MYBPC1: variants seen among roughly 807,000 people sequenced by gnomAD.
MYBPC1 encodes the protein myosin binding protein C1.
A neutral mutation model predicts 147.1 loss-of-function variants in MYBPC1; 52 were observed. The ratio of observed to expected loss-of-function variants is 0.35; its 90% CI spans 0.28 to 0.45. The LOEUF (loss-of-function observed/expected upper bound fraction) is 0.45. Among genes scored for constraint, MYBPC1 ranks in the 20% least tolerant of loss-of-function variants. The pLI, the probability that MYBPC1 is intolerant of heterozygous loss-of-function variation, is 1.00. For synonymous variants in MYBPC1, 477 were observed against 475.9 expected (o/e 1.00, Z -0.03); for missense variants, 1,228 against 1,440.3 (o/e 0.85, Z 2.39).
chr12:101,599,905 C>A (rs1879153119), intron 1 of MYBPC1, among the ~76,000 whole-genome samples: 1 of 152,162 alleles, frequency 6.6e-6, no homozygotes, highest in East Asian at 1.9e-4. Flanking sequence ...TACCCTAGGG[C>A]AAATGCGTGC....
intron 3 of MYBPC1, among the ~76,000 whole-genome samples, chr12:101,625,778 C>T (rs1481514145): frequency 1.3e-5 from 2 of 152,104 alleles, no homozygotes; most frequent in African/African-American, 4.8e-5. Flanking sequence ...AGATGGTCTT[C>T]CAAGCAGTTT....
At position 101,675,294 on chromosome 12, in the gene MYBPC1, C is replaced by T. The variant is rs372724805; in HGVS notation, c.2812C>T (p.Arg938Cys). The T allele has an allele frequency of 2.9e-5, 46 of 1,613,862 alleles. No homozygotes were observed. The highest frequency in any genetic ancestry group is 3.6e-5 in the Non-Finnish European group (42 of 1,179,946). ...TASIDIQIID[R>C]PGPPQIVKIE... ...GACACCATGAATTCATCCTGTAGAC[C>T]GTCCAGGTCCACCCCAAATTGTGAA... The change falls in exon 26 of 32, where the codon CGT (arginine) becomes TGT (cysteine). Residue 938 changes from arginine (R) to cysteine (C), a missense_variant and splice_region_variant. Arg to Cys is a radical substitution (Grantham distance 180). This residue lies in a region of MYBPC1 where 1,077 missense variants were observed against 1,314.2 expected (regional missense o/e 0.82). Coordinates refer to ENST00000361466, the MANE Select transcript of MYBPC1 (RefSeq NM_002465.4).
chr12:101,627,036 G>C, intron 4 of MYBPC1, 126 bp downstream of exon 4: 2 of 823,426 alleles, frequency 2.4e-6, no homozygotes, highest in Admixed American at 2.4e-5. Context: ...GTTTTCGCCT[G>C]TGCTGGCACC....
chr12:101,650,406 G>T lies in MYBPC1; in HGVS notation c.1364-825G>T, dbSNP rs972361908. On this transcript the variant is annotated intron_variant, in intron 15 of 31. Transcript: ENST00000361466. ...AGTTGACTCACAGTTCCGCATGGCT[G>T]GGGAGACCTCAGGAAACTTACAATC... Among the ~76,000 whole-genome samples the T allele has an allele frequency of 3.3e-5, 5 of 152,246 alleles. No homozygotes were observed. In the East Asian group the frequency reaches 5.8e-4, roughly 18 times the overall value.
In MYBPC1 at chr12:101,634,612, C is replaced by G; in HGVS notation, c.608+7C>G. 1 of 1,607,912 alleles carries G rather than the reference C, an allele frequency of 6.2e-7. No individual in the cohort carries two copies. The highest frequency in any genetic ancestry group is 8.5e-7 in the Non-Finnish European group (1 of 1,174,636). On this transcript the variant is annotated splice_region_variant and intron_variant, in intron 9 of 31. Transcript: ENST00000361466. ...GATCTGCTTTCAAGAGAAGGTAACT[C>G]CAAAAGAAAAATCTAGATAGCTTTT...
chr12:101,673,373 A>G (rs1899132735), intron 24 of MYBPC1, 54 bp from the exon 25 acceptor site: 3 of 1,568,614 alleles, frequency 1.9e-6, no homozygotes, highest in East Asian at 2.2e-5. Flanking sequence ...TGCTGAAGAA[A>G]CATCTTGAGA....
chr12:101,681,566 A>G (rs1950950030), intron 29 of MYBPC1, among the ~76,000 whole-genome samples: 1 of 13,460 alleles, frequency 7.4e-5, no homozygotes, highest in African/African-American at 4.9e-4. Flanking sequence ...ATATATATAT[A>G]TATATATATA....
Position 101,662,513 on chromosome 12 carries a change from C to T in MYBPC1, c.2188C>T (p.Pro730Ser). The change falls in exon 21 of 32, where the codon CCC becomes TCC. Residue 730 changes from proline (P) to serine (S), a missense_variant. This residue lies in a region of MYBPC1 where 1,077 missense variants were observed against 1,314.2 expected (regional missense o/e 0.82). Coordinates refer to ENST00000361466, the MANE Select transcript of MYBPC1 (RefSeq NM_002465.4). The part of the protein sequence containing the change: ...FAVNAIGISK[P>S]SMPSRPFVPL... ...AGTCAATGCCATTGGCATCTCCAAG[C>T]CCAGTATGCCCTCCAGGCCTTTTGT... 6.2e-7 allele frequency: 1 copy of T among 1,614,184 alleles called. No homozygotes were observed. Among genetic ancestry groups the T allele is most frequent in the Non-Finnish European group, 8.5e-7 (1 of 1,180,018 alleles).
intron 23 of MYBPC1, 71 bp from the exon 24 acceptor site, chr12:101,670,250 A>T (rs994267292): frequency 8.2e-7 from 1 of 1,221,148 alleles, no homozygotes; most frequent in South Asian, 1.2e-5. Context: ...GCATCATGCC[A>T]TTTTGCTTTT....
At chr12:101,688,214 G>A (rs117270411), downstream of MYBPC1, among the ~76,000 whole-genome samples, 4 of 152,290 alleles carry the variant, frequency 2.6e-5, no homozygotes, top group Non-Finnish European at 4.4e-5. Context: ...GAGGCCGGGA[G>A]TTCGAGAGCA....
intron 1 of MYBPC1, among the ~76,000 whole-genome samples, chr12:101,598,016 CTTTTTTTTTTTT>C (rs34462251): frequency 8.2e-6 from 1 of 122,182 alleles, no homozygotes; most frequent in Admixed American, 8.5e-5. Context: ...AATCACCTTT[CTTTTTTTTTTTT>C]TTTTTTTTTA....
intron 1 of MYBPC1, among the ~76,000 whole-genome samples, chr12:101,602,090 TA>T (rs1374480288): frequency 6.6e-6 from 1 of 152,240 alleles, no homozygotes; most frequent in Non-Finnish European, 1.5e-5. Flanking sequence ...AGCTGCACCA[TA>T]GACTGAATTA....
chr12:101,612,332 A>G (rs1370142642), intron 1 of MYBPC1, among the ~76,000 whole-genome samples: 2 of 152,192 alleles, frequency 1.3e-5, no homozygotes, highest in Non-Finnish European at 2.9e-5. Context: ...TTGCACAATG[A>G]ATAAGGCAGA....
Position 101,685,765 on chromosome 12 carries a change from C to A in MYBPC1, c.*203C>A. 2 of 999,170 alleles carry A rather than the reference C, an allele frequency of 2.0e-6. No individual in the cohort carries two copies. The highest frequency in any genetic ancestry group is 2.9e-6 in the Non-Finnish European group (2 of 696,756). 61.9% of individuals were successfully genotyped at this position (999,170 alleles called of 1,614,324 possible). A position where few individuals can be genotyped will look rare whatever the true frequency, so the allele number is the denominator to read the frequency against. On this transcript the variant is annotated 3_prime_UTR_variant, in exon 32 of 32. Transcript: ENST00000361466. Reference sequence around the variant, plus strand: ...AGAAAAAGCATTTTCTGTTTTCCCACCAGGCCCCCAAGTGTGGTCTTTTTC... The same window carrying A: ...AGAAAAAGCATTTTCTGTTTTCCCAACAGGCCCCCAAGTGTGGTCTTTTTC...
intron 10 of MYBPC1, among the ~76,000 whole-genome samples, chr12:101,638,350 T>C (rs1166761920): frequency 6.6e-6 from 1 of 152,160 alleles, no homozygotes; most frequent in Non-Finnish European, 1.5e-5. Flanking sequence ...GGAAAAATAG[T>C]GGTAAAAACA....
intron 1 of MYBPC1, among the ~76,000 whole-genome samples, chr12:101,605,759 G>A (rs1881894934): frequency 6.6e-6 from 1 of 152,122 alleles, no homozygotes; most frequent in Non-Finnish European, 1.5e-5. Context: ...CTACTCAGGA[G>A]GCTGAGGCAG....
chr12:101,606,232 ACAC>A (rs1882113318), intron 1 of MYBPC1, among the ~76,000 whole-genome samples: 1 of 151,828 alleles, frequency 6.6e-6, no homozygotes, highest in Admixed American at 6.6e-5. Flanking sequence ...ACACACACAC[ACAC>A]AAGAATGCAC....
In MYBPC1 at chr12:101,600,706, A is replaced by G. The variant is rs546599905; in HGVS notation, c.25+5611A>G. 3.3e-5 allele frequency among the ~76,000 whole-genome samples: 5 copies of G among 152,282 alleles called. No homozygotes were observed. In the East Asian group the frequency reaches 9.6e-4, roughly 29 times the overall value. ...AGAAGAATTTTGATTATAATTAATA[A>G]TGACTATTTTTATCTTCACTGCTCC... On this transcript the variant is annotated intron_variant, in intron 1 of 31. Coordinates refer to ENST00000361466, the MANE Select transcript of MYBPC1 (RefSeq NM_002465.4).
chr12:101,627,859 G>C lies in MYBPC1; in HGVS notation c.178+55G>C. 3 of 1,547,950 alleles carry C rather than the reference G, an allele frequency of 1.9e-6. No homozygotes were observed. In the Admixed American group the frequency reaches 5.0e-5, roughly 26 times the overall value. On this transcript the variant is annotated intron_variant, in intron 5 of 31. Transcript: ENST00000361466. The stretch of plus-strand genomic sequence containing the variant: ...ACCTCATCCTAATACAATCACTAAT[G>C]AGCTCATTTCTTGAAGCTGTATTGA...
Sources: gnomAD v4.1 joint callset for allele counts (sites outside exome capture counted in the v4.1 genomes callset) on GRCh38, gnomAD v4.1.1 for gene constraint, gnomAD v4.1.1 regional missense constraint, MANE v1.5 for transcripts, NCBI Gene and HGNC (gene_info 2026-07-23, HGNC 2026-07-21) for gene names.